Variants in DENND5B observed in about 807,000 individuals in gnomAD.
The protein encoded by DENND5B is DENN domain containing 5B.
A neutral mutation model predicts 140.6 loss-of-function variants in DENND5B; 34 were observed. The observed-to-expected ratio is 0.24, with a 90% CI of 0.18 to 0.32. The LOEUF is 0.32. DENND5B is among the 10% of genes least tolerant of loss of function. The probability of loss-of-function intolerance (pLI) is 1.00; values close to 1 mark genes in which losing one functional copy is unlikely to be tolerated. For synonymous variants in DENND5B, 551 were observed against 562.1 expected (o/e 0.98, Z 0.28); for missense variants, 1,142 against 1,560.2 (o/e 0.73, Z 4.52).
chr12:31,393,825 C>A (rs1332952395), intron 17 of DENND5B, among the ~76,000 whole-genome samples: 10 of 152,082 alleles, frequency 6.6e-5, no homozygotes, highest in Admixed American at 6.6e-4. Context: ...GTAGCTGGGA[C>A]TACAGGTGCC....
chr12:31,432,091 T>C, intron 8 of DENND5B: 1 of 985,002 alleles, frequency 1.0e-6, no homozygotes, highest in Non-Finnish European at 1.2e-6. Context: ...CAGGAGGAGG[T>C]GGACCCTGGT....
chr12:31,573,677 A>G (rs1002865231), intron 1 of DENND5B, among the ~76,000 whole-genome samples: 8 of 152,232 alleles, frequency 5.3e-5, no homozygotes, highest in African/African-American at 1.9e-4. Flanking sequence ...ATGGACAATT[A>G]AATCTACAGA....
At chr12:31,446,899 A>G (rs1944300795) in intron 6 of DENND5B, among the ~76,000 whole-genome samples, 1 of 150,958 alleles carries the variant, frequency 6.6e-6, no homozygotes, top group Non-Finnish European at 1.5e-5. Flanking sequence ...AAAAAAAAAA[A>G]AGAAAAAGAA....
intron 1 of DENND5B, among the ~76,000 whole-genome samples, chr12:31,551,028 T>C (rs1422067284): frequency 6.6e-6 from 1 of 152,174 alleles, no homozygotes; most frequent in Admixed American, 6.5e-5. Context: ...TTCACTCTGA[T>C]GGTAGTTTCT....
chr12:31,431,602 A>C (rs545347659), intron 8 of DENND5B, among the ~76,000 whole-genome samples: 1 of 152,210 alleles, frequency 6.6e-6, no homozygotes, highest in Non-Finnish European at 1.5e-5. Context: ...TTTTCTGACC[A>C]CATAAAATAC....
At chr12:31,418,892 G>A (rs556940739) in intron 11 of DENND5B, among the ~76,000 whole-genome samples, 12 of 152,254 alleles carry the variant, frequency 7.9e-5, no homozygotes, top group African/African-American at 2.6e-4. Flanking sequence ...TCCCACCTTG[G>A]CCTCCTAAAG....
chr12:31,584,662 A>C (rs1950332383), intron 1 of DENND5B, among the ~76,000 whole-genome samples: 1 of 151,830 alleles, frequency 6.6e-6, no homozygotes, highest in African/African-American at 2.4e-5. Flanking sequence ...CCCCATCTCT[A>C]CAAAAAATAC....
chr12:31,452,249 A>T lies in DENND5B; in HGVS notation c.1320T>A (p.Asn440Lys), dbSNP rs901803499. The T allele has an allele frequency of 1.2e-6, 2 of 1,613,950 alleles. No individual in the cohort carries two copies. The highest frequency in any genetic ancestry group is 3.3e-5 in the Admixed American group (2 of 60,008). Residue 440 changes from asparagine to lysine, a missense_variant, in exon 5 of 21, where the codon AAT (asparagine) becomes AAA (lysine). Around this residue, in one of 5 missense-constraint regions of DENND5B, gnomAD observed 708 missense variants for 905.5 expected, o/e 0.78. Transcript: ENST00000389082. ...TCAGTAACTCATACATGCTGATGTT[A>T]TTAGTACAGACATTGCCGTTCTTTT... The part of the protein sequence containing the change: ...NDKKNGNVCT[N>K]NISMYELLKG...
intron 1 of DENND5B, among the ~76,000 whole-genome samples, chr12:31,521,493 G>C (rs530332416): frequency 2.6e-4 from 40 of 152,118 alleles, no homozygotes; most frequent in African/African-American, 7.0e-4. Flanking sequence ...ACTGTACAGG[G>C]TTAAGTAAAA....
chr12:31,477,165 T>C (rs1335860534), intron 3 of DENND5B, among the ~76,000 whole-genome samples: 4 of 151,826 alleles, frequency 2.6e-5, no homozygotes, highest in South Asian at 2.1e-4. Flanking sequence ...GAGGCGGTGG[T>C]TGCAGTGAGC....
chr12:31,520,585 G>C (rs1591972636), intron 1 of DENND5B, among the ~76,000 whole-genome samples: 1 of 152,064 alleles, frequency 6.6e-6, no homozygotes, highest in Non-Finnish European at 1.5e-5. Context: ...CTGTCATCCA[G>C]GCTGGAGTAC....
At chr12:31,399,868 C>A in intron 15 of DENND5B, 96 bp from the exon 16 acceptor site, 2 of 798,142 alleles carry the variant, frequency 2.5e-6, no homozygotes, top group South Asian at 1.7e-5. Flanking sequence ...TTAACAACTG[C>A]AGAGACAAAC....
At chr12:31,521,053 C>T (rs1947856022) in intron 1 of DENND5B, among the ~76,000 whole-genome samples, 1 of 151,416 alleles carries the variant, frequency 6.6e-6, no homozygotes, top group Non-Finnish European at 1.5e-5. Context: ...TCACATGTGG[C>T]TAAGTGGCTC....
chr12:31,450,579 A>G (rs566292672), intron 5 of DENND5B, among the ~76,000 whole-genome samples: 1 of 151,802 alleles, frequency 6.6e-6, no homozygotes, highest in African/African-American at 2.4e-5. Flanking sequence ...CTGGTCTCAC[A>G]CTCCTGGCCT....
intron 3 of DENND5B, among the ~76,000 whole-genome samples, chr12:31,460,936 G>A (rs1944987396): frequency 6.6e-6 from 1 of 152,100 alleles, no homozygotes; most frequent in Non-Finnish European, 1.5e-5. Context: ...ATGTTGGCCA[G>A]GGTGATCTTG....
At chr12:31,539,476 C>T (rs1421680568) in intron 1 of DENND5B, among the ~76,000 whole-genome samples, 1 of 152,104 alleles carries the variant, frequency 6.6e-6, no homozygotes, top group Non-Finnish European at 1.5e-5. Context: ...CAAAAATCCT[C>T]AACAAAATAC....
At chr12:31,590,665 G>A in intron 1 of DENND5B, 41 bp downstream of exon 1, 2 of 1,426,100 alleles carry the variant, frequency 1.4e-6, no homozygotes, top group Non-Finnish European at 1.8e-6. Flanking sequence ...CGTCCCCCGC[G>A]CCCCTGAGGG....
At position 31,488,994 on chromosome 12, in the gene DENND5B, C is replaced by A. The variant is rs367681609; in HGVS notation, c.237+6816G>T. 2.1e-4 allele frequency among the ~76,000 whole-genome samples: 32 copies of A among 152,240 alleles called. 1 individual carries two copies. In the East Asian group the frequency reaches 6.0e-3, roughly 28 times the overall value. On this transcript the variant is annotated intron_variant, in intron 2 of 20. Transcript: ENST00000389082. ...CAAATGTTCTTATATTTCTCTAGAC[C>A]GTTTCAGGCAGTTTGGCTAGAATTT... is the stretch of plus-strand genomic sequence containing the variant.
intron 15 of DENND5B, among the ~76,000 whole-genome samples, chr12:31,402,050 G>A (rs1290522686): frequency 8.0e-5 from 10 of 125,460 alleles, no homozygotes; most frequent in South Asian, 2.6e-4. Flanking sequence ...CAGCCTGGGC[G>A]AAAGAGCAAG....
Sources: allele counts gnomAD v4.1 joint callset (sites outside exome capture counted in the v4.1 genomes callset), GRCh38; gene constraint gnomAD v4.1.1; regional missense constraint gnomAD v4.1.1; transcripts MANE v1.5; gene names NCBI Gene and HGNC (gene_info 2026-07-23, HGNC 2026-07-21).